Variants in PAPSS2 observed in about 807,000 individuals in gnomAD.
PAPSS2 encodes 3'-phosphoadenosine 5'-phosphosulfate synthase 2, also known as bifunctional 3'-phosphoadenosine 5'-phosphosulfate synthase 2.
PAPSS2 carries 61 observed loss-of-function variants against 66.5 expected under a neutral mutation model. The observed-to-expected ratio is 0.92, with a 90% CI of 0.75 to 1.14. The LOEUF is 1.14. PAPSS2 is among the 50% of genes most tolerant of loss of function. PAPSS2 has a pLI of 0.00. For synonymous variants in PAPSS2, 289 were observed against 287.5 expected (o/e 1.01, Z -0.05); for missense variants, 708 against 789.6 (o/e 0.90, Z 1.24).
intron 1 of PAPSS2, among the ~76,000 whole-genome samples, chr10:87,701,396 C>CTT (rs1433823033): frequency 4.4e-4 from 36 of 81,186 alleles, no homozygotes; most frequent in East Asian, 6.9e-4. Context: ...TTCTTTCTTT[C>CTT]TCTTTCTTTC....
At chr10:87,689,667 CAAA>C (rs536306316) in intron 1 of PAPSS2, among the ~76,000 whole-genome samples, 2 of 74,636 alleles carry the variant, frequency 2.7e-5, no homozygotes, top group Admixed American at 1.4e-4. Flanking sequence ...AACCTTGTCT[CAAA>C]AAAAAAAAAA....
intron 4 of PAPSS2, 118 bp downstream of exon 4, chr10:87,714,300 T>C (rs1853504884): frequency 1.9e-6 from 2 of 1,046,796 alleles, no homozygotes; most frequent in Non-Finnish European, 2.9e-6. Flanking sequence ...GCATATAACA[T>C]GCACAACTTT....
At chr10:87,741,632 T>TA (rs1366097723) in intron 10 of PAPSS2, among the ~76,000 whole-genome samples, 1 of 152,188 alleles carries the variant, frequency 6.6e-6, no homozygotes, top group East Asian at 1.9e-4. Flanking sequence ...TGACCTCAGG[T>TA]GATCCCCCTA....
chr10:87,691,154 A>G (rs1031743297), intron 1 of PAPSS2, among the ~76,000 whole-genome samples: 1 of 152,136 alleles, frequency 6.6e-6, no homozygotes, highest in Non-Finnish European at 1.5e-5. Context: ...CTTATGACCT[A>G]TCCACCACTT....
At chr10:87,691,599 G>T (rs1270072142) in intron 1 of PAPSS2, among the ~76,000 whole-genome samples, 1 of 152,116 alleles carries the variant, frequency 6.6e-6, no homozygotes, top group Non-Finnish European at 1.5e-5. Flanking sequence ...TTTTTAACAA[G>T]TGCCCATGAG....
chr10:87,706,806 A>T (rs1377321593), intron 1 of PAPSS2, among the ~76,000 whole-genome samples: 2 of 152,018 alleles, frequency 1.3e-5, no homozygotes, highest in Non-Finnish European at 2.9e-5. Flanking sequence ...CCTTCAGGGG[A>T]TTTGTTCACC....
chr10:87,660,966 A>G (rs747662514), intron 1 of PAPSS2: 6 of 455,896 alleles, frequency 1.3e-5, no homozygotes, highest in Admixed American at 9.4e-5. Context: ...TTCTATCTTC[A>G]GCCACCACCC....
chr10:87,719,681 T>A (rs767786100), intron 7 of PAPSS2, among the ~76,000 whole-genome samples: 1 of 152,128 alleles, frequency 6.6e-6, no homozygotes, highest in Non-Finnish European at 1.5e-5. Flanking sequence ...GTAGCACAGA[T>A]ACGATGTTCG....
chr10:87,661,266 C>A (rs1309668954), intron 1 of PAPSS2, among the ~76,000 whole-genome samples: 1 of 151,944 alleles, frequency 6.6e-6, no homozygotes, highest in Admixed American at 6.6e-5. Flanking sequence ...AGGGACCATA[C>A]TGGACCAGCA....
chr10:87,709,387 G>C (rs1853438132), intron 2 of PAPSS2, 74 bp downstream of exon 2: 2 of 902,696 alleles, frequency 2.2e-6, no homozygotes, highest in Non-Finnish European at 1.8e-6. Flanking sequence ...ATGGAAATTA[G>C]TGTAACGTAT....
intron 1 of PAPSS2, among the ~76,000 whole-genome samples, chr10:87,672,500 A>T (rs879357351): frequency 2.0e-5 from 3 of 152,144 alleles, no homozygotes; most frequent in Non-Finnish European, 4.4e-5. Flanking sequence ...TTTAATGAGG[A>T]CAATGGGAAC....
At chr10:87,676,565 C>T (rs1436734930) in intron 1 of PAPSS2, among the ~76,000 whole-genome samples, 1 of 150,272 alleles carries the variant, frequency 6.7e-6, no homozygotes, top group Non-Finnish European at 1.5e-5. Flanking sequence ...AGCTTTGTAC[C>T]TTTTCAACAC....
chr10:87,738,157 A>G (rs549743973), intron 9 of PAPSS2, among the ~76,000 whole-genome samples: 24 of 152,148 alleles, frequency 1.6e-4, no homozygotes, highest in Non-Finnish European at 3.1e-4. Context: ...CCTCTTGGCT[A>G]TTTGAATAGT....
At chr10:87,724,893 G>A (rs908318498) in intron 8 of PAPSS2, among the ~76,000 whole-genome samples, 1 of 59,368 alleles carries the variant, frequency 1.7e-5, no homozygotes, top group Admixed American at 1.7e-4. Flanking sequence ...GAAAGAGAGA[G>A]ATTTATTTTA....
At chr10:87,725,880 T>C (rs1045043542) in intron 8 of PAPSS2, among the ~76,000 whole-genome samples, 1 of 64,866 alleles carries the variant, frequency 1.5e-5, no homozygotes, top group Non-Finnish European at 2.7e-5. Flanking sequence ...AAAATATGTG[T>C]GTATACACAC....
At chr10:87,674,352 G>T (rs1852918367) in intron 1 of PAPSS2, among the ~76,000 whole-genome samples, 1 of 152,112 alleles carries the variant, frequency 6.6e-6, no homozygotes, top group African/African-American at 2.4e-5. Flanking sequence ...TTTTGGTAGA[G>T]ATGGGTTTTC....
chr10:87,694,948 C>T (rs559348033), intron 1 of PAPSS2, among the ~76,000 whole-genome samples: 1 of 152,126 alleles, frequency 6.6e-6, no homozygotes, highest in African/African-American at 2.4e-5. Context: ...AAAGTTAGGC[C>T]AGGCCAAGGG....
At chr10:87,661,634 GC>G (rs1852754144) in intron 1 of PAPSS2, among the ~76,000 whole-genome samples, 1 of 152,162 alleles carries the variant, frequency 6.6e-6, no homozygotes, top group African/African-American at 2.4e-5. Context: ...GTCGGCAGGA[GC>G]CCAGGAAGAG....
chr10:87,705,086 G>A (rs1010725293), intron 1 of PAPSS2, among the ~76,000 whole-genome samples: 1 of 152,190 alleles, frequency 6.6e-6, no homozygotes, highest in African/African-American at 2.4e-5. Context: ...AAGACATAAA[G>A]CATTGCCATC....
Sources: gnomAD v4.1 joint callset for allele counts (sites outside exome capture counted in the v4.1 genomes callset) on GRCh38, gnomAD v4.1.1 for gene constraint, MANE v1.5 for transcripts, NCBI Gene and HGNC (gene_info 2026-07-23, HGNC 2026-07-21) for gene names.